The following CLSTN2 variants were observed in gnomAD, a reference collection of about 807,000 sequenced individuals.
CLSTN2 encodes calsyntenin 2.
A neutral mutation model predicts 101.2 loss-of-function variants in CLSTN2; 48 were observed. That is an observed-to-expected ratio of 0.47 (90% CI 0.38 to 0.60). The LOEUF (loss-of-function observed/expected upper bound fraction) is 0.60. Among genes scored for constraint, CLSTN2 ranks in the 20% least tolerant of loss-of-function variants. CLSTN2 has a pLI of 0.00. For missense variants in CLSTN2, 1,160 were observed against 1,238.2 expected (o/e 0.94, Z 0.95); for synonymous variants, 481 against 463.6 (o/e 1.04, Z -0.48).
At chr3:139,984,424 T>C (rs148190026) in intron 1 of CLSTN2, among the ~76,000 whole-genome samples, 1 of 152,312 alleles carries the variant, frequency 6.6e-6, no homozygotes, top group Non-Finnish European at 1.5e-5. Flanking sequence ...TTGGTTTTGG[T>C]GGCCATGAGA....
chr3:140,373,507 C>A (rs1003258264), intron 2 of CLSTN2, among the ~76,000 whole-genome samples: 24 of 152,198 alleles, frequency 1.6e-4, no homozygotes, highest in African/African-American at 5.8e-4. Flanking sequence ...TTATATTGAG[C>A]AGGAAAATCA....
At chr3:139,981,161 A>G (rs773422828) in intron 1 of CLSTN2, among the ~76,000 whole-genome samples, 4 of 152,114 alleles carry the variant, frequency 2.6e-5, no homozygotes, top group African/African-American at 4.8e-5. Context: ...CTTTTTGGAA[A>G]ATGTCATTCT....
intron 2 of CLSTN2, among the ~76,000 whole-genome samples, chr3:140,222,241 T>C (rs2086281146): frequency 6.6e-6 from 1 of 152,144 alleles, no homozygotes; most frequent in African/African-American, 2.4e-5. Flanking sequence ...TTGCATGTTC[T>C]CACTTATTAG....
chr3:140,392,872 G>A lies in CLSTN2; in HGVS notation c.233-10757G>A, dbSNP rs147749356. Among the ~76,000 whole-genome samples the A allele has an allele frequency of 4.0e-4, 61 of 151,970 alleles. 1 individual carries two copies. The highest frequency in any genetic ancestry group is 7.1e-4 in the Non-Finnish European group (48 of 67,970). ...TATTTTTTTTTTACAGTTATGGAGG[G>A]TGAGAAGTCCATGGTCGAGGGGCCA... On this transcript the variant is annotated intron_variant, in intron 2 of 16. Coordinates refer to ENST00000458420, the MANE Select transcript of CLSTN2 (RefSeq NM_022131.3).
chr3:140,542,613 T>C (rs1317927219), intron 9 of CLSTN2, among the ~76,000 whole-genome samples: 1 of 152,168 alleles, frequency 6.6e-6, no homozygotes, highest in African/African-American at 2.4e-5. Context: ...TATTTCAAAT[T>C]TTATACTGGC....
chr3:139,969,798 A>C (rs1309403389), intron 1 of CLSTN2, among the ~76,000 whole-genome samples: 1 of 152,084 alleles, frequency 6.6e-6, no homozygotes, highest in Non-Finnish European at 1.5e-5. Flanking sequence ...ACCATCACCC[A>C]CTGGCTCCAA....
At chr3:140,055,796 A>T (rs548663784) in intron 1 of CLSTN2, among the ~76,000 whole-genome samples, 102 of 152,328 alleles carry the variant, frequency 6.7e-4, no homozygotes, top group African/African-American at 2.4e-3. Context: ...CTAGTTAATC[A>T]GTCTCCCAGT....
intron 1 of CLSTN2, among the ~76,000 whole-genome samples, chr3:140,093,855 C>T (rs907528418): frequency 7.2e-5 from 11 of 152,084 alleles, no homozygotes; most frequent in African/African-American, 2.2e-4. Flanking sequence ...AAGGATAAGT[C>T]GTTAAAATGA....
At chr3:140,418,129 A>T (rs1040348247) in intron 4 of CLSTN2, among the ~76,000 whole-genome samples, 3 of 150,494 alleles carry the variant, frequency 2.0e-5, no homozygotes, top group East Asian at 3.9e-4. Context: ...AAGAAAGTTA[A>T]TTTTTTTTTT....
At chr3:140,524,466 A>G (rs571202119) in intron 8 of CLSTN2, among the ~76,000 whole-genome samples, 3 of 152,376 alleles carry the variant, frequency 2.0e-5, no homozygotes, top group South Asian at 2.1e-4. Flanking sequence ...GAGTTAAGAT[A>G]TCACGTCATT....
intron 1 of CLSTN2, among the ~76,000 whole-genome samples, chr3:140,012,221 G>A (rs1038184829): frequency 1.3e-5 from 2 of 152,100 alleles, no homozygotes; most frequent in African/African-American, 4.8e-5. Context: ...AGAGAAGGGA[G>A]GAAGGAAGGG....
intron 1 of CLSTN2, among the ~76,000 whole-genome samples, chr3:140,030,867 A>G (rs1195134606): frequency 6.6e-6 from 1 of 152,256 alleles, no homozygotes; most frequent in East Asian, 1.9e-4. Context: ...GGTGGGACGC[A>G]TTATTAAAAT....
chr3:140,147,628 G>A lies in CLSTN2; in HGVS notation c.110-28323G>A, dbSNP rs569736235. Among the ~76,000 whole-genome samples the A allele has an allele frequency of 8.5e-5, 13 of 152,286 alleles. No individual in the cohort carries two copies. The South Asian group carries it at 2.7e-3, about 32-fold the overall frequency. ...TGAATATTAATTGAGAATTAGGGTG[G>A]TGGGGTAGATCTAAGAGTATAGGCA... On this transcript the variant is annotated intron_variant, in intron 1 of 16. Transcript: ENST00000458420.
At chr3:140,332,365 G>A (rs983839719) in intron 2 of CLSTN2, among the ~76,000 whole-genome samples, 2 of 152,222 alleles carry the variant, frequency 1.3e-5, no homozygotes, top group African/African-American at 2.4e-5. Context: ...TCCTATCCTG[G>A]AGGAAAAGCC....
chr3:140,378,961 T>G (rs542793559), intron 2 of CLSTN2, among the ~76,000 whole-genome samples: 40 of 152,168 alleles, frequency 2.6e-4, no homozygotes, highest in African/African-American at 9.7e-4. Flanking sequence ...CAGTGCAACT[T>G]AAATCATAGC....
At chr3:140,210,601 T>G (rs1264045423) in intron 2 of CLSTN2, among the ~76,000 whole-genome samples, 1 of 152,198 alleles carries the variant, frequency 6.6e-6, no homozygotes, top group African/African-American at 2.4e-5. Flanking sequence ...TCACAGATGC[T>G]TAAGGAAACA....
intron 6 of CLSTN2, among the ~76,000 whole-genome samples, chr3:140,453,766 C>G (rs6767075): frequency 1.3e-5 from 2 of 152,070 alleles, no homozygotes; most frequent in East Asian, 3.9e-4. Flanking sequence ...AATTGTTTAA[C>G]GTAAAAAAAT....
chr3:140,206,872 G>A (rs1215000440), intron 2 of CLSTN2, among the ~76,000 whole-genome samples: 1 of 152,146 alleles, frequency 6.6e-6, no homozygotes, highest in Non-Finnish European at 1.5e-5. Context: ...GACATCTGGT[G>A]GGCAGATGCA....
chr3:140,446,345 C>T (rs1463411414), intron 5 of CLSTN2, among the ~76,000 whole-genome samples: 1 of 152,114 alleles, frequency 6.6e-6, no homozygotes, highest in Non-Finnish European at 1.5e-5. Flanking sequence ...CTCATCCAAA[C>T]ATCCTCTTAT....
Sources: allele counts gnomAD v4.1 joint callset (sites outside exome capture counted in the v4.1 genomes callset), GRCh38; gene constraint gnomAD v4.1.1; transcripts MANE v1.5; gene names NCBI Gene and HGNC (gene_info 2026-07-23, HGNC 2026-07-21).